Variants in UNC13C observed in about 807,000 individuals in gnomAD.
UNC13C encodes the protein unc-13 homolog C.
In UNC13C, 174 loss-of-function variants were observed where a neutral mutation model predicts 245.4. The observed-to-expected ratio is 0.71, with a 90% CI of 0.63 to 0.80. The LOEUF (loss-of-function observed/expected upper bound fraction) is 0.80. UNC13C is among the 30% of genes least tolerant of loss of function. The pLI, the probability that UNC13C is intolerant of heterozygous loss-of-function variation, is 0.00. For missense variants in UNC13C, 2,829 were observed against 2,602.9 expected, an observed-to-expected ratio of 1.09 and a Z score of -1.89; for synonymous variants, 992 against 895.1, an observed-to-expected ratio of 1.11 and a Z score of -1.93.
At chr15:54,563,449 C>T (rs1469615335) in intron 29 of UNC13C, among the ~76,000 whole-genome samples, 1 of 151,880 alleles carries the variant, frequency 6.6e-6, no homozygotes, top group Admixed American at 6.6e-5. Context: ...CTGTTTTTTG[C>T]CCATTTTTTC....
At chr15:54,451,632 C>T (rs1477275501) in intron 19 of UNC13C, among the ~76,000 whole-genome samples, 2 of 151,950 alleles carry the variant, frequency 1.3e-5, no homozygotes, top group Non-Finnish European at 2.9e-5. Flanking sequence ...ATAGCTATCT[C>T]TTTTGTATGT....
intron 4 of UNC13C, among the ~76,000 whole-genome samples, chr15:54,227,006 T>A (rs1013206219): frequency 6.6e-6 from 1 of 152,138 alleles, no homozygotes; most frequent in African/African-American, 2.4e-5. Context: ...CTGTTTATGT[T>A]ACAACTCTTT....
intron 17 of UNC13C, among the ~76,000 whole-genome samples, chr15:54,384,737 A>G (rs1248650027): frequency 6.6e-6 from 1 of 152,128 alleles, no homozygotes; most frequent in Non-Finnish European, 1.5e-5. Context: ...CTCTTGAACT[A>G]AAGAAAATAT....
chr15:54,220,341 C>T (rs1331378618), intron 4 of UNC13C, among the ~76,000 whole-genome samples: 2 of 148,090 alleles, frequency 1.4e-5, no homozygotes, highest in Admixed American at 6.8e-5. Context: ...TAAACTATGG[C>T]AAGGACAAGG....
intron 4 of UNC13C, among the ~76,000 whole-genome samples, chr15:54,189,693 A>T (rs1459513242): frequency 2.0e-5 from 3 of 152,126 alleles, no homozygotes; most frequent in Admixed American, 2.0e-4. Flanking sequence ...TTAAAAATGA[A>T]TTTTTTTAAT....
At chr15:54,236,490 C>G (rs910663238) in intron 6 of UNC13C, 55 bp downstream of exon 6, 12 of 1,377,544 alleles carry the variant, frequency 8.7e-6, no homozygotes, top group Middle Eastern at 3.5e-4. Context: ...CAAACATACA[C>G]TGCACTTACT....
rs899427100 is a variant in UNC13C at position 54,628,273 on chromosome 15, A to T, written c.*1160A>T. The T allele has an allele frequency of 5.9e-5, 9 of 152,190 alleles. No homozygotes were observed. Among genetic ancestry groups the T allele is most frequent in the Non-Finnish European group, 8.8e-5 (6 of 68,014 alleles). The allele number at this position is 152,190 out of a possible 1,614,324, so 9.4% of individuals were successfully genotyped here. A position where few individuals can be genotyped will look rare whatever the true frequency, so the allele number is the denominator to read the frequency against. On this transcript the variant is annotated 3_prime_UTR_variant, in exon 33 of 33. Transcript: ENST00000260323. ...GTATTGTTATGATTTGACTTTTTAGAGTCTATGCCAAAATATATGGCTGTA... is the reference window on the plus strand; with the variant it reads ...GTATTGTTATGATTTGACTTTTTAGTGTCTATGCCAAAATATATGGCTGTA...
chr15:54,251,988 T>C (rs144081311), intron 8 of UNC13C, among the ~76,000 whole-genome samples: 1 of 152,318 alleles, frequency 6.6e-6, no homozygotes, highest in Non-Finnish European at 1.5e-5. Context: ...ATAAGAAGTA[T>C]AGTTAAGAAT....
intron 19 of UNC13C, among the ~76,000 whole-genome samples, chr15:54,448,724 A>C (rs1890978125): frequency 6.6e-6 from 1 of 152,062 alleles, no homozygotes; most frequent in Non-Finnish European, 1.5e-5. Context: ...TTGATTCTCT[A>C]TCCAATTTGC....
chr15:53,901,107 A>G, the UNC13C span, among the ~76,000 whole-genome samples: 1 of 151,882 alleles, frequency 6.6e-6, no homozygotes, highest in Non-Finnish European at 1.5e-5. Flanking sequence ...TCTATATTTA[A>G]TTTATTATAT....
intron 10 of UNC13C, among the ~76,000 whole-genome samples, chr15:54,280,431 A>T (rs536123980): frequency 6.6e-6 from 1 of 151,640 alleles, no homozygotes; most frequent in Non-Finnish European, 1.5e-5. Context: ...AAAGGCAAAT[A>T]CTAATACTAA....
chr15:54,039,972 A>G (rs1896744936), intron 2 of UNC13C, among the ~76,000 whole-genome samples: 1 of 151,782 alleles, frequency 6.6e-6, no homozygotes, highest in African/African-American at 2.4e-5. Context: ...CCTCTTTTCA[A>G]AACTCTGCAA....
At position 54,173,082 on chromosome 15, in the gene UNC13C, A is replaced by G. The variant is rs550723322; in HGVS notation, c.3071+29398A>G. Among the ~76,000 whole-genome samples the G allele has an allele frequency of 3.4e-4, 52 of 152,026 alleles. 1 individual carries two copies. Among genetic ancestry groups the G allele is most frequent in the South Asian group, 1.2e-3 (6 of 4,826 alleles). ...AATTTCTGAACTCTCTATCCTGTTC[A>G]CTAATCTTTGTGATGATGCTGATAT... is the stretch of plus-strand genomic sequence containing the variant. On this transcript the variant is annotated intron_variant, in intron 4 of 32. Coordinates refer to ENST00000260323, the MANE Select transcript of UNC13C (RefSeq NM_001080534.3).
intron 19 of UNC13C, among the ~76,000 whole-genome samples, chr15:54,482,106 A>G (rs1249958856): frequency 6.6e-6 from 1 of 152,034 alleles, no homozygotes; most frequent in African/African-American, 2.4e-5. Flanking sequence ...GCTTTACCAC[A>G]TGTTCCCTGG....
At chr15:53,867,849 G>A in the UNC13C span, among the ~76,000 whole-genome samples, 1 of 151,524 alleles carries the variant, frequency 6.6e-6, no homozygotes, top group African/African-American at 2.4e-5. Flanking sequence ...TTAATTTTTT[G>A]AGACAGGATC....
In UNC13C at chr15:54,284,240, G is replaced by T. The variant is rs566605926; in HGVS notation, c.3819-9655G>T. ...CAAACATACATCCAAAGTGGATCTT[G>T]TTTCTTCAAACAAATAGTTTAATTT... On this transcript the variant is annotated intron_variant, in intron 10 of 32. Transcript: ENST00000260323. Among the ~76,000 whole-genome samples the T allele has an allele frequency of 2.6e-5, 4 of 152,236 alleles. No homozygotes were observed. The South Asian group carries it at 8.3e-4, about 32-fold the overall frequency.
In UNC13C at chr15:54,182,362, C is replaced by T. The variant is rs549965125; in HGVS notation, c.3071+38678C>T. Among the ~76,000 whole-genome samples, 5 of 152,150 alleles carry T rather than the reference C, an allele frequency of 3.3e-5. No homozygotes were observed. In the East Asian group the frequency reaches 9.6e-4, roughly 29 times the overall value. ...TATCGATATGTGTATGTTGAACCAA[C>T]CTTGCATCCCAGGAATGAAACCTAC... is the stretch of plus-strand genomic sequence containing the variant. On this transcript the variant is annotated intron_variant, in intron 4 of 32. Coordinates refer to ENST00000260323, the MANE Select transcript of UNC13C (RefSeq NM_001080534.3).
chr15:53,932,100 A>C, the UNC13C span, among the ~76,000 whole-genome samples: 1 of 152,058 alleles, frequency 6.6e-6, no homozygotes, highest in Non-Finnish European at 1.5e-5. Flanking sequence ...CATAAAGTCA[A>C]GAGATTGAGA....
chr15:53,992,004 A>G (rs1002505186), intron 1 of UNC13C, among the ~76,000 whole-genome samples: 1 of 151,998 alleles, frequency 6.6e-6, no homozygotes, highest in African/African-American at 2.4e-5. Context: ...ACTCTAGTAC[A>G]TCTACTTCTC....
Sources: allele counts gnomAD v4.1 joint callset (sites outside exome capture counted in the v4.1 genomes callset), GRCh38; gene constraint gnomAD v4.1.1; transcripts MANE v1.5; gene names NCBI Gene and HGNC (gene_info 2026-07-23, HGNC 2026-07-21).